The following CRKL variants were observed in gnomAD, a reference collection of about 807,000 sequenced individuals.
CRKL encodes crk-like protein.
In CRKL, 3 loss-of-function variants were observed where a neutral mutation model predicts 23.0. The observed-to-expected ratio is 0.13, with a 90% CI of 0.06 to 0.34. The LOEUF (loss-of-function observed/expected upper bound fraction) is 0.34. Ranked by LOEUF, CRKL falls within the 10% of genes least tolerant of loss-of-function variation. The pLI is 1.00. For synonymous variants in CRKL, 188 were observed against 160.7 expected, an observed-to-expected ratio of 1.17 and a Z score of -1.28; for missense variants, 256 against 394.5, an observed-to-expected ratio of 0.65 and a Z score of 2.97.
At chr22:20,920,148 C>T (rs1240065055) in intron 1 of CRKL, among the ~76,000 whole-genome samples, 1 of 152,142 alleles carries the variant, frequency 6.6e-6, no homozygotes, top group African/African-American at 2.4e-5. Context: ...ACCAGGCATT[C>T]ATTAAGCCAT....
intron 2 of CRKL, among the ~76,000 whole-genome samples, chr22:20,940,047 C>G (rs576232996): frequency 6.6e-6 from 1 of 152,278 alleles, no homozygotes; most frequent in Non-Finnish European, 1.5e-5. Context: ...GCCTCAGCCT[C>G]CCAAAGTGCT....
At chr22:20,940,021 C>G (rs1921811542) in intron 2 of CRKL, among the ~76,000 whole-genome samples, 1 of 151,874 alleles carries the variant, frequency 6.6e-6, no homozygotes, top group South Asian at 2.1e-4. Flanking sequence ...AACTCCTAAC[C>G]TCAGGCAATC....
At chr22:20,939,944 C>T (rs966912461) in intron 2 of CRKL, among the ~76,000 whole-genome samples, 1 of 151,864 alleles carries the variant, frequency 6.6e-6, no homozygotes, top group East Asian at 1.9e-4. Context: ...ACCTGCCAAC[C>T]GCGCCTGGCT....
At chr22:20,939,233 C>CTTTTTTTTTTTT (rs140538861) in intron 2 of CRKL, among the ~76,000 whole-genome samples, 1 of 75,146 alleles carries the variant, frequency 1.3e-5, no homozygotes, top group African/African-American at 5.8e-5. Flanking sequence ...ACATAAGTTG[C>CTTTTTTTTTTTT]TTTTTTTTTT....
chr22:20,936,333 TTTTTTG>T (rs927065817), intron 2 of CRKL, among the ~76,000 whole-genome samples: 9 of 152,054 alleles, frequency 5.9e-5, no homozygotes, highest in Admixed American at 1.3e-4. Context: ...TCCTCAGTGT[TTTTTTG>T]TTTTTGTTTT....
intron 1 of CRKL, among the ~76,000 whole-genome samples, chr22:20,924,540 G>A (rs928957685): frequency 8.4e-6 from 1 of 118,956 alleles, no homozygotes; most frequent in Admixed American, 9.5e-5. Flanking sequence ...TTAAAATCAT[G>A]TGAATTTGAT....
chr22:20,919,013 C>T (rs1315727813), intron 1 of CRKL, among the ~76,000 whole-genome samples: 1 of 145,594 alleles, frequency 6.9e-6, no homozygotes, highest in Non-Finnish European at 1.5e-5. Flanking sequence ...GTTTGCACAC[C>T]ATCCCGGGTG....
chr22:20,927,192 A>ATTTTTTTTTTTTGTTTT (rs1921248986), intron 1 of CRKL, among the ~76,000 whole-genome samples: 1 of 81,970 alleles, frequency 1.2e-5, no homozygotes, highest in African/African-American at 5.9e-5. Flanking sequence ...TTGGAATTGA[A>ATTTTTTTTTTTTGTTTT]TTTTTTTTTT....
Position 20,917,720 on chromosome 22 carries a change from C to T in CRKL, c.-215C>T, listed in dbSNP as rs532736125. ...GGCTCTGCCGTGCATTCCCGGGCGG[C>T]TCTCTCCGTGTGGCGGCCCCGGAGC... On this transcript the variant is annotated 5_prime_UTR_variant, in exon 1 of 3. Coordinates refer to ENST00000354336, the MANE Select transcript of CRKL (RefSeq NM_005207.4). 2.5e-4 allele frequency: 149 copies of T among 587,130 alleles called. No homozygotes were observed. The East Asian group carries it at 4.1e-3, about 16-fold the overall frequency. The allele number at this position is 587,130 out of a possible 1,614,324, so 36.4% of individuals were successfully genotyped here. A position where few individuals can be genotyped will look rare whatever the true frequency, so the allele number is the denominator to read the frequency against.
chr22:20,919,621 C>T (rs2147893393), intron 1 of CRKL, among the ~76,000 whole-genome samples: 1 of 152,142 alleles, frequency 6.6e-6, no homozygotes, highest in African/African-American at 2.4e-5. Flanking sequence ...TAAATTATCC[C>T]AAATTTGAGT....
chr22:20,935,383 G>T (rs754810212), intron 2 of CRKL, among the ~76,000 whole-genome samples: 54 of 151,990 alleles, frequency 3.6e-4, no homozygotes, highest in Non-Finnish European at 7.1e-4. Flanking sequence ...AAAGTGCTGG[G>T]ATTACAGACA....
intron 2 of CRKL, 148 bp from the exon 3 acceptor site, chr22:20,949,563 C>T: frequency 9.2e-7 from 1 of 1,084,878 alleles, no homozygotes; most frequent in Non-Finnish European, 1.3e-6. Flanking sequence ...GATCTCACCA[C>T]TACACTCCAG....
At chr22:20,927,520 T>G (rs1459899105) in intron 1 of CRKL, among the ~76,000 whole-genome samples, 1 of 150,958 alleles carries the variant, frequency 6.6e-6, no homozygotes, top group Non-Finnish European at 1.5e-5. Context: ...TACCTTTTTT[T>G]TTTTTTTTTT....
chr22:20,935,709 A>G (rs1376682324), intron 2 of CRKL, among the ~76,000 whole-genome samples: 1 of 151,648 alleles, frequency 6.6e-6, no homozygotes, highest in Non-Finnish European at 1.5e-5. Flanking sequence ...TATTTTTAGT[A>G]GAGACGGGGT....
At chr22:20,947,676 ATTTTTT>A (rs59126952) in intron 2 of CRKL, among the ~76,000 whole-genome samples, 1 of 90,526 alleles carries the variant, frequency 1.1e-5, no homozygotes, top group African/African-American at 4.4e-5. Context: ...TCTTTTTTTC[ATTTTTT>A]TTTTTTTTTT....
At chr22:20,933,260 C>T (rs1009387133) in intron 1 of CRKL, among the ~76,000 whole-genome samples, 2 of 152,030 alleles carry the variant, frequency 1.3e-5, no homozygotes, top group African/African-American at 4.8e-5. Flanking sequence ...GTCCCAGCTA[C>T]TCAGGAGGCT....
chr22:20,951,393 G>A lies in CRKL; in HGVS notation c.*1548G>A, dbSNP rs1422438495. On this transcript the variant is annotated 3_prime_UTR_variant, in exon 3 of 3. Transcript: ENST00000354336. Reference sequence around the variant, plus strand: ...AGTTTATCATTAACCACTTATCAGTGTATTGATGTTAAAGCATTTCCCTGT... The same window carrying A: ...AGTTTATCATTAACCACTTATCAGTATATTGATGTTAAAGCATTTCCCTGT... The A allele has an allele frequency of 4.3e-6, 1 of 230,992 alleles. No homozygotes were observed. Among genetic ancestry groups the A allele is most frequent in the African/African-American group, 2.2e-5 (1 of 45,184 alleles). 14.3% of individuals were successfully genotyped at this position (230,992 alleles called of 1,614,324 possible). A position where few individuals can be genotyped will look rare whatever the true frequency, so the allele number is the denominator to read the frequency against.
At chr22:20,937,446 T>C (rs1402767041) in intron 2 of CRKL, among the ~76,000 whole-genome samples, 2 of 148,662 alleles carry the variant, frequency 1.3e-5, no homozygotes, top group African/African-American at 5.0e-5. Context: ...CTCTAGGATG[T>C]GTGTTTTAGA....
intron 1 of CRKL, among the ~76,000 whole-genome samples, chr22:20,932,433 T>A (rs1233792677): frequency 6.6e-6 from 1 of 152,116 alleles, no homozygotes; most frequent in Non-Finnish European, 1.5e-5. Flanking sequence ...CTGTAAGCCC[T>A]TTTTTGTTCC....
Sources: gnomAD v4.1 joint callset for allele counts (sites outside exome capture counted in the v4.1 genomes callset) on GRCh38, gnomAD v4.1.1 for gene constraint, MANE v1.5 for transcripts, NCBI Gene and HGNC (gene_info 2026-07-23, HGNC 2026-07-21) for gene names.